Variants in CCL23 observed in about 807,000 individuals in gnomAD.
CCL23 encodes the protein C-C motif chemokine ligand 23, also known as C-C motif chemokine 23.
Under a neutral mutation model 11.8 loss-of-function variants are expected in CCL23, and 10 were observed. The observed-to-expected ratio is 0.84, with a 90% CI of 0.52 to 1.43. CCL23 has a LOEUF of 1.43. CCL23 is among the 40% of genes most tolerant of loss of function. CCL23 has a pLI of 0.00. For missense variants in CCL23, 181 were observed against 170.9 expected (o/e 1.06, Z -0.33); for synonymous variants, 60 against 61.0 (o/e 0.98, Z 0.07).
intron 1 of CCL23, among the ~76,000 whole-genome samples, chr17:36,017,528 C>T (rs1405298455): frequency 6.6e-6 from 1 of 152,160 alleles, no homozygotes. Context: ...TTTTACTACA[C>T]TTCTTTTAAT....
At position 36,013,198 on chromosome 17, in the gene CCL23, C is replaced by A. The variant is rs748629383; in HGVS notation, c.413G>T (p.Ter138LeuextTer26). The A allele has an allele frequency of 3.1e-6, 5 of 1,600,746 alleles. No individual in the cohort carries two copies. The highest frequency in any genetic ancestry group is 1.1e-5 in the South Asian group (1 of 90,770). Residue 138 changes from the stop codon to leucine, a stop_lost, in exon 4 of 4, where the codon TGA becomes TTA. Transcript: ENST00000615050. ...TTGTGTCCCTTCACCTTGACAAGTTCAATTCTTCCTGGTCTTGATCCGTGT... is the reference window on the plus strand; with the variant it reads ...TTGTGTCCCTTCACCTTGACAAGTTAAATTCTTCCTGGTCTTGATCCGTGT... ...LDTRIKTRKN[*>L]
intron 3 of CCL23, 55 bp from the exon 4 acceptor site, chr17:36,013,363 A>G (rs996592614): frequency 8.5e-7 from 1 of 1,179,916 alleles, no homozygotes; most frequent in South Asian, 1.3e-5. Flanking sequence ...GCACATGGGG[A>G]CAGGGGGCCC....
intron 2 of CCL23, 39 bp downstream of exon 2, chr17:36,014,295 C>A: frequency 6.8e-7 from 1 of 1,468,428 alleles, no homozygotes; most frequent in Non-Finnish European, 9.6e-7. Context: ...CCTGCACCTG[C>A]TGGCTGCTTT....
chr17:36,013,417 T>A (rs577154475), intron 3 of CCL23, 109 bp from the exon 4 acceptor site: 74 of 675,568 alleles, frequency 1.1e-4, no homozygotes, highest in Non-Finnish European at 1.7e-4. Flanking sequence ...ATAGCCAGTT[T>A]TTTTTTCTTT....
At chr17:36,016,523 A>G (rs2090098992) in intron 1 of CCL23, among the ~76,000 whole-genome samples, 1 of 152,118 alleles carries the variant, frequency 6.6e-6, no homozygotes, top group Admixed American at 6.5e-5. Context: ...TTATGGCTGC[A>G]TAGTATTCCA....
At position 36,013,198 on chromosome 17, in the gene CCL23, C is replaced by T. The variant is rs748629383; in HGVS notation, c.413G>A (p.Ter138=). The T allele has an allele frequency of 1.2e-6, 2 of 1,600,628 alleles. No individual in the cohort carries two copies. The highest frequency in any genetic ancestry group is 1.3e-5 in the African/African-American group (1 of 74,788). ...LDTRIKTRKN[*] Reference sequence around the variant, plus strand: ...TTGTGTCCCTTCACCTTGACAAGTTCAATTCTTCCTGGTCTTGATCCGTGT... The same window carrying T: ...TTGTGTCCCTTCACCTTGACAAGTTTAATTCTTCCTGGTCTTGATCCGTGT... Residue 138 remains the stop codon, a stop_retained_variant, in exon 4 of 4, where the codon TGA becomes TAA. Coordinates refer to ENST00000615050, the MANE Select transcript of CCL23 (RefSeq NM_005064.6).
At chr17:36,016,779 A>C (rs1479486439) in intron 1 of CCL23, among the ~76,000 whole-genome samples, 1 of 149,830 alleles carries the variant, frequency 6.7e-6, no homozygotes, top group Non-Finnish European at 1.5e-5. Flanking sequence ...AATATAATTT[A>C]ATGACTATGC....
intron 1 of CCL23, 125 bp downstream of exon 1, chr17:36,017,697 G>T: frequency 1.1e-6 from 1 of 872,996 alleles, no homozygotes; most frequent in Non-Finnish European, 1.8e-6. Context: ...CTCTGGTGCT[G>T]CTTTTAAATG....
chr17:36,017,270 C>T (rs142979830), intron 1 of CCL23, among the ~76,000 whole-genome samples: 1 of 152,172 alleles, frequency 6.6e-6, no homozygotes, highest in African/African-American at 2.4e-5. Flanking sequence ...ATACATATCC[C>T]ACAGGGTTGT....
intron 1 of CCL23, among the ~76,000 whole-genome samples, chr17:36,016,147 T>C (rs2090096365): frequency 6.6e-6 from 1 of 151,856 alleles, no homozygotes; most frequent in Non-Finnish European, 1.5e-5. Flanking sequence ...CTTTTTCTTT[T>C]TTTAAAGTTA....
chr17:36,016,752 A>G (rs1293379944), intron 1 of CCL23, among the ~76,000 whole-genome samples: 1 of 149,454 alleles, frequency 6.7e-6, no homozygotes, highest in African/African-American at 2.4e-5. Flanking sequence ...TTTAATAAGG[A>G]TATTAAATAT....
At chr17:36,015,320 T>G (rs1485371296) in intron 1 of CCL23, among the ~76,000 whole-genome samples, 1 of 152,252 alleles carries the variant, frequency 6.6e-6, no homozygotes, top group Non-Finnish European at 1.5e-5. Flanking sequence ...TACTTCAACA[T>G]TCAAGGGAAT....
At chr17:36,015,956 A>G (rs1194096789) in intron 1 of CCL23, among the ~76,000 whole-genome samples, 1 of 151,970 alleles carries the variant, frequency 6.6e-6, no homozygotes, top group Admixed American at 6.6e-5. Flanking sequence ...AGGCAGGAGA[A>G]TCGTTTGAAC....
At chr17:36,013,937 C>G (rs2090078085) in intron 2 of CCL23, 28 bp from the exon 3 acceptor site, 1 of 1,609,946 alleles carries the variant, frequency 6.2e-7, no homozygotes, top group African/African-American at 1.3e-5. Context: ...GCACATGGCT[C>G]AGAAGAGATG....
At chr17:36,013,636 C>T (rs1568482082) in intron 3 of CCL23, 108 bp downstream of exon 3, 6 of 1,072,936 alleles carry the variant, frequency 5.6e-6, no homozygotes, top group East Asian at 2.4e-5. Context: ...CCATACCTGG[C>T]AGGATCCAGA....
rs535494118 is a variant in CCL23, at chr17:36,014,321, T to C, written c.136+13A>G. 1.9e-6 allele frequency: 3 copies of C among 1,597,144 alleles called. No homozygotes were observed. The African/African-American group carries it at 4.0e-5, about 21-fold the overall frequency. ...TGGCTGCTTTTAAATATATGCCGTA[T>C]CTGATCACTTACTGTCCAGAAGTAC... On this transcript the variant is annotated intron_variant, in intron 2 of 3. Transcript: ENST00000615050.
chr17:36,013,725 TG>T lies in CCL23; in HGVS notation c.302+18del. 6.2e-7 allele frequency: 1 copy of T among 1,613,644 alleles called. No individual in the cohort carries two copies. The highest frequency in any genetic ancestry group is 8.5e-7 in the Non-Finnish European group (1 of 1,179,722). ...GAGTCCTTCTCCCTCAACACATGTT[TG>T]GTGAGCTTGGCACCTACATGACACC... On this transcript the variant is annotated intron_variant, in intron 3 of 3. Transcript: ENST00000615050.
intron 1 of CCL23, among the ~76,000 whole-genome samples, chr17:36,016,316 C>G (rs1242305181): frequency 6.6e-6 from 1 of 152,088 alleles, no homozygotes; most frequent in Non-Finnish European, 1.5e-5. Context: ...AATGCTCTCC[C>G]TCCTTTTACC....
Position 36,013,119 on chromosome 17 carries a change from T to G in CCL23, c.*78A>C, listed in dbSNP as rs2090068974. 1.2e-6 allele frequency: 1 copy of G among 823,038 alleles called. No homozygotes were observed. The highest frequency in any genetic ancestry group is 1.9e-5 in the Admixed American group (1 of 52,268). The allele number at this position is 823,038 out of a possible 1,614,324, so 51.0% of individuals were successfully genotyped here. A position where few individuals can be genotyped will look rare whatever the true frequency, so the allele number is the denominator to read the frequency against. ...TCCAGAACACAAGAATAAATGCTTC[T>G]TAAAAAAATAATTCAGGAAGGTAGT... On this transcript the variant is annotated 3_prime_UTR_variant, in exon 4 of 4. Coordinates refer to ENST00000615050, the MANE Select transcript of CCL23 (RefSeq NM_005064.6).
Sources: gnomAD v4.1 joint callset for allele counts (sites outside exome capture counted in the v4.1 genomes callset) on GRCh38, gnomAD v4.1.1 for gene constraint, MANE v1.5 for transcripts, NCBI Gene and HGNC (gene_info 2026-07-23, HGNC 2026-07-21) for gene names.